LARS2: variants seen among roughly 807,000 people sequenced by gnomAD.
LARS2 encodes the protein leucine--tRNA ligase, mitochondrial.
A neutral mutation model predicts 116.6 loss-of-function variants in LARS2; 81 were observed. The ratio of observed to expected loss-of-function variants is 0.69; its 90% confidence interval spans 0.58 to 0.84. The LOEUF (loss-of-function observed/expected upper bound fraction) is 0.84. Ranked by LOEUF, LARS2 falls within the 40% of genes least tolerant of loss-of-function variation. The pLI, the probability that LARS2 is intolerant of heterozygous loss-of-function variation, is 0.00. For missense variants in LARS2, 968 were observed against 1,114.5 expected, an observed-to-expected ratio of 0.87 and a Z score of 1.87; for synonymous variants, 396 against 407.2, an observed-to-expected ratio of 0.97 and a Z score of 0.33.
chr3:45,523,924 T>C, intron 19 of LARS2, 73 bp from the exon 20 acceptor site: 3 of 1,090,582 alleles, frequency 2.8e-6, no homozygotes, highest in Non-Finnish European at 4.2e-6. Flanking sequence ...GGACTTCAGA[T>C]ACATTAATGG....
At chr3:45,420,242 G>A (rs1028520141) in intron 6 of LARS2, among the ~76,000 whole-genome samples, 2 of 152,320 alleles carry the variant, frequency 1.3e-5, no homozygotes, top group South Asian at 2.1e-4. Flanking sequence ...CCAGACCCAC[G>A]AGGAGTTCAT....
intron 19 of LARS2, among the ~76,000 whole-genome samples, chr3:45,520,855 A>G (rs1700441800): frequency 6.6e-6 from 1 of 152,200 alleles, no homozygotes; most frequent in South Asian, 2.1e-4. Context: ...AAAGCTATTA[A>G]CAAATGCTTT....
At chr3:45,461,959 C>G (rs1005590732) in intron 8 of LARS2, among the ~76,000 whole-genome samples, 1 of 152,062 alleles carries the variant, frequency 6.6e-6, no homozygotes. Flanking sequence ...GAAATTAGGT[C>G]CAAAACTTCA....
At chr3:45,533,073 C>T (rs372396878) in intron 20 of LARS2, among the ~76,000 whole-genome samples, 76 of 149,998 alleles carry the variant, frequency 5.1e-4, no homozygotes, top group African/African-American at 1.7e-3. Flanking sequence ...TTATATTTTG[C>T]AGACTTTTAT....
At chr3:45,449,147 T>G (rs1699070506) in intron 7 of LARS2, among the ~76,000 whole-genome samples, 3 of 148,996 alleles carry the variant, frequency 2.0e-5, no homozygotes, top group Admixed American at 1.4e-4. Context: ...AGGGGAAGCT[T>G]AACTCACTAT....
At chr3:45,506,610 T>G (rs1029366834) in intron 15 of LARS2, among the ~76,000 whole-genome samples, 1 of 152,098 alleles carries the variant, frequency 6.6e-6, no homozygotes, top group Non-Finnish European at 1.5e-5. Context: ...TCTGAGCCCC[T>G]CAGCCCTTGT....
chr3:45,415,581 C>T (rs1698399371), intron 4 of LARS2, among the ~76,000 whole-genome samples: 2 of 152,154 alleles, frequency 1.3e-5, no homozygotes, highest in Admixed American at 1.3e-4. Context: ...GGCTCAGTGG[C>T]TCACTCCTGT....
chr3:45,454,829 G>C (rs9838284), intron 7 of LARS2, among the ~76,000 whole-genome samples: 133,063 of 151,914 alleles, frequency 0.88, 60,871 homozygotes, highest in East Asian at 1. Context: ...AGACAGTTGT[G>C]TAAGAGAGGA....
chr3:45,547,367 G>A lies in LARS2; in HGVS notation c.2549G>A (p.Cys850Tyr). The change falls in exon 22 of 22, where the codon TGT becomes TAT. Residue 850 changes from cysteine to tyrosine, a missense_variant. Cys to Tyr is a radical substitution (Grantham distance 194). Transcript: ENST00000645846. Reference protein sequence around the residue: ...QMAVLINNKACGKIPVPQQVA... With the variant: ...QMAVLINNKAYGKIPVPQQVA... ...CCTTCTCAGATCAACAATAAAGCTTGTGGCAAAATTCCTGTGCCCCAACAA... is the reference window on the plus strand; with the variant it reads ...CCTTCTCAGATCAACAATAAAGCTTATGGCAAAATTCCTGTGCCCCAACAA... 6.2e-7 allele frequency: 1 copy of A among 1,609,804 alleles called. No individual in the cohort carries two copies. Among genetic ancestry groups the A allele is most frequent in the South Asian group, 1.1e-5 (1 of 90,492 alleles).
At chr3:45,462,608 T>C (rs549275497) in intron 8 of LARS2, among the ~76,000 whole-genome samples, 130 of 152,232 alleles carry the variant, frequency 8.5e-4, no homozygotes, top group Non-Finnish European at 1.5e-3. Context: ...TTGGGCTTTT[T>C]AGCTTCTGTA....
chr3:45,487,450 C>T (rs575984652), intron 11 of LARS2, among the ~76,000 whole-genome samples: 2 of 152,276 alleles, frequency 1.3e-5, no homozygotes, highest in African/African-American at 4.8e-5. Context: ...TGTTTTAGGG[C>T]ATTGTTCCGA....
intron 10 of LARS2, among the ~76,000 whole-genome samples, chr3:45,483,311 T>C (rs967224526): frequency 6.6e-6 from 1 of 152,236 alleles, no homozygotes; most frequent in African/African-American, 2.4e-5. Flanking sequence ...TAACATCATA[T>C]TATAATTGCA....
intron 12 of LARS2, among the ~76,000 whole-genome samples, chr3:45,490,402 C>T (rs897771663): frequency 6.6e-5 from 10 of 152,234 alleles, no homozygotes; most frequent in African/African-American, 2.2e-4. Flanking sequence ...TCTCCTGGCT[C>T]TAGGCTGAAT....
chr3:45,403,795 A>C (rs1056669679), intron 4 of LARS2, among the ~76,000 whole-genome samples: 1 of 152,134 alleles, frequency 6.6e-6, no homozygotes, highest in Non-Finnish European at 1.5e-5. Flanking sequence ...TCTGAAGCCT[A>C]AGGTCAGGCT....
chr3:45,397,361 C>T (rs1473815136), intron 3 of LARS2, among the ~76,000 whole-genome samples: 1 of 152,080 alleles, frequency 6.6e-6, no homozygotes, highest in Non-Finnish European at 1.5e-5. Flanking sequence ...AGCTGAATAC[C>T]TTTTCTGTAA....
intron 4 of LARS2, among the ~76,000 whole-genome samples, chr3:45,417,157 A>G (rs1433294958): frequency 6.6e-6 from 1 of 151,902 alleles, no homozygotes; most frequent in Non-Finnish European, 1.5e-5. Flanking sequence ...GTGTATATAT[A>G]TATGTGAAAC....
At chr3:45,395,633 G>A (rs1410251456) in intron 3 of LARS2, among the ~76,000 whole-genome samples, 3 of 152,222 alleles carry the variant, frequency 2.0e-5, no homozygotes, top group African/African-American at 7.2e-5. Context: ...CCCAAGGCAA[G>A]CAGCTGAATA....
At chr3:45,481,446 C>CCATTTTA (rs1486347641) in intron 10 of LARS2, among the ~76,000 whole-genome samples, 8 of 152,266 alleles carry the variant, frequency 5.3e-5, no homozygotes, top group African/African-American at 1.7e-4. Flanking sequence ...AGTGGCTTCA[C>CCATTTTA]CATTTTACAT....
intron 14 of LARS2, among the ~76,000 whole-genome samples, chr3:45,499,180 A>G (rs1700074996): frequency 6.6e-6 from 1 of 152,108 alleles, no homozygotes; most frequent in South Asian, 2.1e-4. Context: ...AGTGGCTCAC[A>G]CCTGTAGTCC....
Sources: allele counts gnomAD v4.1 joint callset (sites outside exome capture counted in the v4.1 genomes callset), GRCh38; gene constraint gnomAD v4.1.1; transcripts MANE v1.5; gene names NCBI Gene and HGNC (gene_info 2026-07-23, HGNC 2026-07-21).